The following ZNF536 variants were observed in gnomAD, a reference collection of about 807,000 sequenced individuals.
ZNF536 encodes zinc finger protein 536.
A neutral mutation model predicts 84.5 loss-of-function variants in ZNF536; 13 were observed. The observed-to-expected ratio is 0.15, with a 90% confidence interval of 0.10 to 0.24. ZNF536 has a LOEUF of 0.24. Among genes scored for constraint, ZNF536 ranks in the 10% least tolerant of loss-of-function variants. ZNF536 has a pLI of 1.00. For missense variants in ZNF536, 1,536 were observed against 1,747.5 expected, an observed-to-expected ratio of 0.88 and a Z score of 2.16; for synonymous variants, 811 against 742.5, an observed-to-expected ratio of 1.09 and a Z score of -1.50.
chr19:30,439,764 G>A (rs573523481), intron 1 of ZNF536, among the ~76,000 whole-genome samples: 2 of 152,094 alleles, frequency 1.3e-5, no homozygotes, highest in East Asian at 3.9e-4. Context: ...AAACCCTGGG[G>A]TCTCCCATGG....
intron 1 of ZNF536, among the ~76,000 whole-genome samples, chr19:30,607,730 A>G (rs1427443537): frequency 1.3e-5 from 2 of 151,832 alleles, no homozygotes; most frequent in Admixed American, 6.6e-5. Flanking sequence ...AAAAAAAGTA[A>G]CATACTTTCA....
At chr19:30,318,128 A>T (rs2046740704) in intron 2 of ZNF536, among the ~76,000 whole-genome samples, 1 of 152,162 alleles carries the variant, frequency 6.6e-6, no homozygotes, top group East Asian at 1.9e-4. Flanking sequence ...CACATTTTTT[A>T]AAATGATAAA....
intron 1 of ZNF536, among the ~76,000 whole-genome samples, chr19:30,385,629 A>G (rs535237886): frequency 6.6e-6 from 1 of 152,266 alleles, no homozygotes; most frequent in Admixed American, 6.5e-5. Context: ...CAGACCCTGC[A>G]TGACAAGCTG....
At chr19:30,586,386 G>A (rs757558922) in intron 1 of ZNF536, among the ~76,000 whole-genome samples, 44 of 152,242 alleles carry the variant, frequency 2.9e-4, no homozygotes, top group Non-Finnish European at 5.6e-4. Flanking sequence ...TGTTAGTCAC[G>A]TAAGTCCTAA....
At position 30,595,724 on chromosome 19, in the gene ZNF536, G is replaced by C. The variant is rs182983523; in HGVS notation, c.169+46210G>C. Reference sequence around the variant, plus strand: ...CTTTCAAGACCCCAACTCTGTAGGGGACCATTGACTTGCATAGTTCTAGTT... The same window carrying C: ...CTTTCAAGACCCCAACTCTGTAGGGCACCATTGACTTGCATAGTTCTAGTT... On this transcript the variant is annotated intron_variant, in intron 1 of 1. Coordinates refer to the ZNF536 transcript ENST00000592773. Among the ~76,000 whole-genome samples the C allele has an allele frequency of 1.2e-4, 19 of 152,330 alleles. No homozygotes were observed. In the South Asian group the frequency reaches 3.7e-3, roughly 30 times the overall value.
chr19:30,657,109 C>T (rs573266854), intron 1 of ZNF536, among the ~76,000 whole-genome samples: 2 of 152,118 alleles, frequency 1.3e-5, no homozygotes, highest in Admixed American at 1.3e-4. Context: ...TATGTCCCTG[C>T]GTTTTCCCAG....
chr19:30,414,233 T>G lies in ZNF536; in HGVS notation c.-2-29328T>G, dbSNP rs937035815. On this transcript the variant is annotated intron_variant, in intron 1 of 4. Transcript: ENST00000355537. ...TGTATATATCTTTTCCATTCTTAAA[T>G]TTTCAACCTTTATGTGAAACTGGTT... is the stretch of plus-strand genomic sequence containing the variant. 3.3e-5 allele frequency among the ~76,000 whole-genome samples: 5 copies of G among 152,262 alleles called. No individual in the cohort carries two copies. The East Asian group carries it at 7.7e-4, about 24-fold the overall frequency.
At chr19:30,389,419 A>C (rs1165692430) in intron 1 of ZNF536, among the ~76,000 whole-genome samples, 5 of 152,130 alleles carry the variant, frequency 3.3e-5, no homozygotes, top group Admixed American at 2.6e-4. Flanking sequence ...ACCCTTGTAA[A>C]AAAAAATTCC....
chr19:30,294,268 C>T (rs2045931402), intron 2 of ZNF536, among the ~76,000 whole-genome samples: 1 of 152,090 alleles, frequency 6.6e-6, no homozygotes, highest in Admixed American at 6.6e-5. Flanking sequence ...TGAAGGGGTG[C>T]ATGTGTTGAA....
intron 1 of ZNF536, among the ~76,000 whole-genome samples, chr19:30,675,023 A>G (rs543985351): frequency 2.1e-4 from 32 of 151,930 alleles, no homozygotes; most frequent in Middle Eastern, 6.8e-3. Context: ...TGTTTCCACA[A>G]CTCCCAAGAG....
intron 1 of ZNF536, among the ~76,000 whole-genome samples, chr19:30,395,685 C>G (rs775266747): frequency 6.6e-6 from 1 of 152,202 alleles, no homozygotes; most frequent in Non-Finnish European, 1.5e-5. Context: ...GTGGCTGAGT[C>G]TGAGAGGCAG....
chr19:30,398,861 G>C (rs750541163), intron 1 of ZNF536, among the ~76,000 whole-genome samples: 1 of 152,160 alleles, frequency 6.6e-6, no homozygotes, highest in African/African-American at 2.4e-5. Flanking sequence ...ATTGTGAATA[G>C]TGCTGCAATA....
In ZNF536 at chr19:30,445,109, A is replaced by T. The variant is rs2148211863; in HGVS notation, c.1547A>T (p.Asp516Val). Residue 516 changes from aspartate to valine, a missense_variant, in exon 2 of 5, where the codon GAC (aspartate) becomes GTC (valine). Physicochemically the swap from Asp to Val is radical, Grantham distance 152. Around this residue, in one of 8 missense-constraint regions of ZNF536, gnomAD observed 366 missense variants for 364.4 expected, o/e 1.00. Coordinates refer to ENST00000355537, the MANE Select transcript of ZNF536 (RefSeq NM_014717.3). The surrounding 1 kb of genome is among the most constrained non-coding windows in gnomAD (Gnocchi z 4.5). Reference sequence around the variant, plus strand: ...GCGGCTGCCAAGGCTGCGGAGATGGACCCCGTGAACAGCTACCAGGCTTGG... The same window carrying T: ...GCGGCTGCCAAGGCTGCGGAGATGGTCCCCGTGAACAGCTACCAGGCTTGG... ...LQAAAKAAEM[D>V]PVNSYQAWQL... 1 of 1,613,772 alleles carries T rather than the reference A, an allele frequency of 6.2e-7. No individual in the cohort carries two copies. The highest frequency in any genetic ancestry group is 8.5e-7 in the Non-Finnish European group (1 of 1,180,034).
At chr19:30,700,390 C>T (rs571932160) in intron 1 of ZNF536, among the ~76,000 whole-genome samples, 2 of 146,618 alleles carry the variant, frequency 1.4e-5, no homozygotes, top group African/African-American at 5.0e-5. Flanking sequence ...TTCCTTCCTT[C>T]CTTTCTTCCT....
Position 30,569,559 on chromosome 19 carries a change from C to CTTT in ZNF536, c.169+20073_169+20075dup, listed in dbSNP as rs34995610. On this transcript the variant is annotated intron_variant, in intron 1 of 1. Coordinates refer to the ZNF536 transcript ENST00000592773. The stretch of plus-strand genomic sequence containing the variant: ...ATGGAATCGAAGCCAGATAAACGTT[C>CTTT]TTTTTTTTTTTTTTTTTTTTTTTTT... 3.9e-3 allele frequency among the ~76,000 whole-genome samples: 213 copies of CTTT among 55,104 alleles called. 32 individuals are homozygous for CTTT. Among genetic ancestry groups the CTTT allele is most frequent in the Middle Eastern group, 0.01 (1 of 100 alleles). 36.2% of individuals were successfully genotyped at this position (55,104 alleles called of 152,430 possible).
chr19:30,500,199 GA>G (rs1191746316), intron 2 of ZNF536, among the ~76,000 whole-genome samples: 1 of 152,224 alleles, frequency 6.6e-6, no homozygotes, highest in Non-Finnish European at 1.5e-5. Context: ...GGGTACCCCA[GA>G]TTCTAGAATT....
At chr19:30,385,121 T>C (rs1187998094) in intron 1 of ZNF536, among the ~76,000 whole-genome samples, 3 of 151,906 alleles carry the variant, frequency 2.0e-5, no homozygotes, top group Non-Finnish European at 2.9e-5. Context: ...GACTTGATGT[T>C]TGAGGCCTTC....
At chr19:30,691,254 C>T (rs1234543576) in intron 1 of ZNF536, among the ~76,000 whole-genome samples, 2 of 152,048 alleles carry the variant, frequency 1.3e-5, no homozygotes, top group East Asian at 3.9e-4. Context: ...GCTGGCCCAC[C>T]CCCCACATGC....
chr19:30,628,550 T>A (rs925363332), intron 1 of ZNF536, among the ~76,000 whole-genome samples: 5 of 151,518 alleles, frequency 3.3e-5, no homozygotes, highest in African/African-American at 1.2e-4. Context: ...TGCCTCAGCA[T>A]CACGAGTAGC....
Sources: allele counts gnomAD v4.1 joint callset (sites outside exome capture counted in the v4.1 genomes callset), GRCh38; gene constraint gnomAD v4.1.1; regional missense constraint gnomAD v4.1.1; non-coding constraint Gnocchi (gnomAD v3.1); transcripts MANE v1.5; gene names NCBI Gene and HGNC (gene_info 2026-07-23, HGNC 2026-07-21).